ADAMTS3: variants seen among roughly 807,000 people sequenced by gnomAD.
ADAMTS3 encodes ADAM metallopeptidase with thrombospondin type 1 motif 3, also known as A disintegrin and metalloproteinase with thrombospondin motifs 3.
In ADAMTS3, 73 loss-of-function variants were observed where a neutral mutation model predicts 129.0. The observed-to-expected ratio is 0.57, with a 90% CI of 0.47 to 0.69. The LOEUF (loss-of-function observed/expected upper bound fraction) is 0.69. Among genes scored for constraint, ADAMTS3 ranks in the 30% least tolerant of loss-of-function variants. The pLI is 0.00. For synonymous variants in ADAMTS3, 477 were observed against 510.8 expected (o/e 0.93, Z 0.89); for missense variants, 1,457 against 1,514.5 (o/e 0.96, Z 0.63).
In ADAMTS3 at chr4:72,283,015, A is replaced by G. The variant is rs1718391947; in HGVS notation, c.*121T>C. On this transcript the variant is annotated 3_prime_UTR_variant, in exon 22 of 22. Coordinates refer to ENST00000286657, the MANE Select transcript of ADAMTS3 (RefSeq NM_014243.3). ...TGAGCCAGCACTTTCTGTTCTTCCA[A>G]TTACAGATAAAATGAGCTGACGATC... 2 of 850,814 alleles carry G rather than the reference A, an allele frequency of 2.4e-6. No homozygotes were observed. The highest frequency in any genetic ancestry group is 2.8e-5 in the Admixed American group (1 of 35,602). The allele number at this position is 850,814 out of a possible 1,614,324, so 52.7% of individuals were successfully genotyped here.
chr4:72,568,202 C>A (rs1258762229), intron 1 of ADAMTS3, among the ~76,000 whole-genome samples: 2 of 152,100 alleles, frequency 1.3e-5, no homozygotes, highest in East Asian at 3.9e-4. Context: ...CCTGTCCGGC[C>A]CAAGGACTTC....
intron 3 of ADAMTS3, among the ~76,000 whole-genome samples, chr4:72,430,100 T>C (rs59076708): frequency 0.042 from 6,409 of 152,120 alleles, 475 homozygotes; most frequent in African/African-American, 0.15. Context: ...CTGTGGCAAA[T>C]TGTATTTTCC....
chr4:72,410,529 C>G (rs571973833), intron 4 of ADAMTS3, among the ~76,000 whole-genome samples: 2 of 152,200 alleles, frequency 1.3e-5, no homozygotes, highest in South Asian at 4.2e-4. Context: ...AGGGGAGAAG[C>G]CTAGGGCCTA....
intron 3 of ADAMTS3, among the ~76,000 whole-genome samples, chr4:72,492,982 C>A (rs1719785721): frequency 6.6e-6 from 1 of 151,870 alleles, no homozygotes; most frequent in South Asian, 2.1e-4. Flanking sequence ...TAATGACCTT[C>A]TTTTCCTCTA....
intron 3 of ADAMTS3, among the ~76,000 whole-genome samples, chr4:72,539,179 G>C (rs1358558675): frequency 6.6e-6 from 1 of 151,990 alleles, no homozygotes; most frequent in Non-Finnish European, 1.5e-5. Flanking sequence ...AAAATAAAAA[G>C]ATTTTTGTGT....
intron 21 of ADAMTS3, among the ~76,000 whole-genome samples, chr4:72,284,417 C>T (rs1402112575): frequency 6.7e-6 from 1 of 149,526 alleles, no homozygotes; most frequent in Non-Finnish European, 1.5e-5. Flanking sequence ...TGCACTCCAG[C>T]CTGGGTGACA....
intron 4 of ADAMTS3, among the ~76,000 whole-genome samples, chr4:72,370,346 A>AT (rs1720972805): frequency 6.6e-6 from 1 of 151,978 alleles, no homozygotes; most frequent in Admixed American, 6.6e-5. Flanking sequence ...TCCCCTTCAA[A>AT]TTGCAATTTG....
In ADAMTS3 at chr4:72,298,431, T is replaced by C; in HGVS notation, c.2436A>G (p.Gln812=). 6.2e-7 allele frequency: 1 copy of C among 1,604,030 alleles called. No individual in the cohort carries two copies. The highest frequency in any genetic ancestry group is 8.5e-7 in the Non-Finnish European group (1 of 1,173,562). Residue 812 remains glutamine, a synonymous_variant, in exon 18 of 22, where the codon CAA becomes CAG. Transcript: ENST00000286657. The part of the protein sequence containing the change: ...HDPVIVLIIP[Q]ENDTRSSLTY... ...TCAGGCTAGAGCGGGTATCATTTTC[T>C]TGAGGTATAATCTAACATACACATG...
chr4:72,553,340 A>G (rs1379970991), intron 2 of ADAMTS3, among the ~76,000 whole-genome samples: 1 of 152,166 alleles, frequency 6.6e-6, no homozygotes, highest in Non-Finnish European at 1.5e-5. Flanking sequence ...TAAGACATAC[A>G]CAGAGCCCTG....
chr4:72,319,294 AAAAT>A, intron 9 of ADAMTS3, 34 bp downstream of exon 9: 8 of 1,611,378 alleles, frequency 5.0e-6, no homozygotes, highest in Non-Finnish European at 6.8e-6. Context: ...TGTAGGCTAT[AAAAT>A]AAATACTTTC....
intron 4 of ADAMTS3, among the ~76,000 whole-genome samples, chr4:72,364,420 GC>G (rs977709060): frequency 2.6e-4 from 40 of 152,094 alleles, no homozygotes; most frequent in African/African-American, 9.4e-4. Context: ...TTCGAGACCA[GC>G]CTGGCCAACA....
At chr4:72,513,069 T>C (rs995986182) in intron 3 of ADAMTS3, among the ~76,000 whole-genome samples, 3 of 152,226 alleles carry the variant, frequency 2.0e-5, no homozygotes, top group African/African-American at 7.2e-5. Flanking sequence ...AAAAGTTCCA[T>C]GTCTTCCAAA....
Position 72,548,643 on chromosome 4 carries a change from T to C in ADAMTS3, c.339A>G (p.Thr113=). 6.2e-7 allele frequency: 1 copy of C among 1,614,026 alleles called. No individual in the cohort carries two copies. Among genetic ancestry groups the C allele is most frequent in the South Asian group, 1.1e-5 (1 of 91,078 alleles). The change falls in exon 3 of 22, where the codon ACA becomes ACG. Residue 113 remains threonine (T), a synonymous_variant. Coordinates refer to ENST00000286657, the MANE Select transcript of ADAMTS3 (RefSeq NM_014243.3). The part of the protein sequence containing the change: ...APGAVVEWHE[T]SLVPGNITDP... ...CGGTTATATTCCCAGGCACCAGAGA[T>C]GTCTCATGCCACTCCACAACAGCCC...
rs530432209 is a variant in ADAMTS3 at position 72,490,820 on chromosome 4, T to C, written c.504+57658A>G. 6.6e-5 allele frequency among the ~76,000 whole-genome samples: 10 copies of C among 152,034 alleles called. No homozygotes were observed. The South Asian group carries it at 1.9e-3, about 28-fold the overall frequency. On this transcript the variant is annotated intron_variant, in intron 3 of 21. Coordinates refer to ENST00000286657, the MANE Select transcript of ADAMTS3 (RefSeq NM_014243.3). Reference sequence around the variant, plus strand: ...AAGTTTCTTTGGCTACTCAGGGTCTTTTGTGGTTTCACAGGAATTATAGGA... The same window carrying C: ...AAGTTTCTTTGGCTACTCAGGGTCTCTTGTGGTTTCACAGGAATTATAGGA...
At chr4:72,394,479 G>T (rs1260882369) in intron 4 of ADAMTS3, among the ~76,000 whole-genome samples, 1 of 152,142 alleles carries the variant, frequency 6.6e-6, no homozygotes, top group African/African-American at 2.4e-5. Flanking sequence ...ATGGGCCTCT[G>T]TCTCTTGCGT....
chr4:72,350,833 T>C (rs935446084), intron 4 of ADAMTS3, among the ~76,000 whole-genome samples: 1 of 152,026 alleles, frequency 6.6e-6, no homozygotes, highest in East Asian at 1.9e-4. Context: ...AGGCTTCATG[T>C]AGTTTCCTCA....
intron 4 of ADAMTS3, among the ~76,000 whole-genome samples, chr4:72,356,931 C>T (rs966480166): frequency 7.9e-5 from 12 of 151,696 alleles, no homozygotes; most frequent in African/African-American, 2.9e-4. Flanking sequence ...ATATAAAGTA[C>T]TCCTGCCAAA....
intron 14 of ADAMTS3, 77 bp from the exon 15 acceptor site, chr4:72,309,597 C>T: frequency 6.5e-7 from 1 of 1,536,164 alleles, no homozygotes; most frequent in Non-Finnish European, 8.9e-7. Flanking sequence ...ATGATGAACC[C>T]TTTGTTCAGT....
Position 72,309,509 on chromosome 4 carries a change from A to G in ADAMTS3, c.2067T>C (p.Cys689=), listed in dbSNP as rs1719174901. The G allele has an allele frequency of 6.2e-7, 1 of 1,611,462 alleles. No homozygotes were observed. Among genetic ancestry groups the G allele is most frequent in the African/African-American group, 1.3e-5 (1 of 74,780 alleles). The change falls in exon 15 of 22, where the codon TGT becomes TGC. Residue 689 remains cysteine, a synonymous_variant. Coordinates refer to ENST00000286657, the MANE Select transcript of ADAMTS3 (RefSeq NM_014243.3). ...CVRGECVKVG[C]DKEIGSNKVE... is the part of the protein sequence containing the mutation. ...CCTTATTAGAACCAATTTCTTTATC[A>G]CAGCCCACTTTCTGGAGAGAGAAGA...
Sources: gnomAD v4.1 joint callset for allele counts (sites outside exome capture counted in the v4.1 genomes callset) on GRCh38, gnomAD v4.1.1 for gene constraint, MANE v1.5 for transcripts, NCBI Gene and HGNC (gene_info 2026-07-23, HGNC 2026-07-21) for gene names.